TEX36: variants seen among roughly 807,000 people sequenced by gnomAD.
TEX36 encodes the protein testis expressed 36.
In TEX36, 12 loss-of-function variants were observed where a neutral mutation model predicts 13.6. That is an observed-to-expected ratio of 0.88 (90% CI 0.56 to 1.43). TEX36 has a LOEUF of 1.43. Among genes scored for constraint, TEX36 ranks in the 40% most tolerant of loss-of-function variants. The pLI is 0.00. For synonymous variants in TEX36, 93 were observed against 83.0 expected (o/e 1.12, Z -0.65); for missense variants, 224 against 228.3 (o/e 0.98, Z 0.12).
At chr10:125,579,001 G>T (rs1225447968) in intron 3 of TEX36, among the ~76,000 whole-genome samples, 1 of 152,118 alleles carries the variant, frequency 6.6e-6, no homozygotes, top group Non-Finnish European at 1.5e-5. Context: ...CTTGGCACAT[G>T]CTCATGCCTC....
At chr10:125,658,861 A>G (rs1472642288) in intron 3 of TEX36, among the ~76,000 whole-genome samples, 1 of 152,148 alleles carries the variant, frequency 6.6e-6, no homozygotes, top group Non-Finnish European at 1.5e-5. Context: ...TTTGGGATGT[A>G]GTCAAACCAA....
At chr10:125,606,973 C>T (rs188044072) in intron 3 of TEX36, among the ~76,000 whole-genome samples, 33 of 152,296 alleles carry the variant, frequency 2.2e-4, no homozygotes, top group African/African-American at 6.3e-4. Context: ...CAACTGGATG[C>T]GAACTTTGAT....
downstream of TEX36, among the ~76,000 whole-genome samples, chr10:125,651,670 T>TA (rs201619155): frequency 0.034 from 5,166 of 152,198 alleles, 268 homozygotes; most frequent in African/African-American, 0.11. Context: ...GAGAAAGACA[T>TA]AAAGGGTATT....
At chr10:125,663,095 G>C (rs947702667) in intron 1 of TEX36, among the ~76,000 whole-genome samples, 1 of 152,172 alleles carries the variant, frequency 6.6e-6, no homozygotes, top group Non-Finnish European at 1.5e-5. Flanking sequence ...GTCCACCCCA[G>C]GTCTCTCTCC....
At chr10:125,607,787 C>G (rs1846233972) in intron 3 of TEX36, among the ~76,000 whole-genome samples, 1 of 152,008 alleles carries the variant, frequency 6.6e-6, no homozygotes, top group Non-Finnish European at 1.5e-5. Flanking sequence ...ACTGGGTAAG[C>G]AAATGACTGA....
chr10:125,660,697 A>G (rs1847020930), intron 3 of TEX36, among the ~76,000 whole-genome samples: 1 of 152,182 alleles, frequency 6.6e-6, no homozygotes, highest in African/African-American at 2.4e-5. Flanking sequence ...TGCCATCCAG[A>G]GATACGCATA....
At chr10:125,676,967 G>T (rs9422800) in intron 1 of TEX36, among the ~76,000 whole-genome samples, 2,389 of 152,286 alleles carry the variant, frequency 0.016, 65 homozygotes, top group African/African-American at 0.054. Context: ...GGAGAGCTTT[G>T]CTAGAAATAG....
At chr10:125,588,757 G>T (rs1845988667) in intron 3 of TEX36, among the ~76,000 whole-genome samples, 1 of 152,198 alleles carries the variant, frequency 6.6e-6, no homozygotes, top group Non-Finnish European at 1.5e-5. Context: ...TGGGACTATA[G>T]GCGTGTGCCA....
At chr10:125,621,619 G>A (rs1238481143) in exon 4 of TEX36, 1 of 455,996 alleles carries the variant, frequency 2.2e-6, no homozygotes, top group Admixed American at 2.3e-5. Flanking sequence ...ATCACAAAGA[G>A]AAGTCCCACG....
intron 1 of TEX36, chr10:125,667,560 G>A: frequency 1.4e-6 from 1 of 738,740 alleles, no homozygotes; most frequent in Non-Finnish European, 2.5e-6. Flanking sequence ...CACTCAGACA[G>A]CCCATACAAC....
chr10:125,649,969 C>T (rs569073652), intron 3 of TEX36, among the ~76,000 whole-genome samples: 48 of 152,218 alleles, frequency 3.2e-4, no homozygotes, highest in African/African-American at 1.2e-3. Context: ...TATATGCACC[C>T]AATACAGGAG....
chr10:125,631,244 G>T (rs1846550136), intron 3 of TEX36, among the ~76,000 whole-genome samples: 1 of 152,178 alleles, frequency 6.6e-6, no homozygotes, highest in Non-Finnish European at 1.5e-5. Flanking sequence ...AATTATCTGA[G>T]TACATCTCAA....
intron 1 of TEX36, chr10:125,667,444 G>T (rs563741510): frequency 1.7e-5 from 12 of 698,886 alleles, no homozygotes; most frequent in Admixed American, 3.6e-5. Context: ...AGGCCAGGAC[G>T]TTGGTATTTT....
downstream of TEX36, among the ~76,000 whole-genome samples, chr10:125,618,459 G>T (rs1217316588): frequency 6.6e-6 from 1 of 152,138 alleles, no homozygotes; most frequent in East Asian, 1.9e-4. Flanking sequence ...GTTCAGATGG[G>T]TTTTTGGTGT....
intron 3 of TEX36, among the ~76,000 whole-genome samples, chr10:125,594,025 C>T (rs980135211): frequency 2.0e-5 from 3 of 152,178 alleles, no homozygotes; most frequent in African/African-American, 4.8e-5. Flanking sequence ...AGGAGACAGG[C>T]GAGCACGCTG....
chr10:125,613,269 ATTTATTTATTTATTTT>A (rs1180617941), intron 3 of TEX36, among the ~76,000 whole-genome samples: 1 of 72,420 alleles, frequency 1.4e-5, no homozygotes, highest in African/African-American at 5.7e-5. Flanking sequence ...TTATTTATTT[ATTTATTTATTTATTTT>A]TATTATTATT....
chr10:125,674,226 T>C lies in TEX36; in HGVS notation c.51+8713A>G, dbSNP rs11593304. Among the ~76,000 whole-genome samples, 162 of 152,326 alleles carry C rather than the reference T, an allele frequency of 1.1e-3. 2 individuals carry two copies. The highest frequency in any genetic ancestry group is 3.8e-3 in the African/African-American group (160 of 41,584). On this transcript the variant is annotated intron_variant, in intron 1 of 3. Transcript: ENST00000368821. The stretch of plus-strand genomic sequence containing the variant: ...TGGTCTATTTAATTATTGATACTTG[T>C]GGTTGCATTGTGACGTTTTCATGTT...
chr10:125,625,896 C>G (rs908014380), intron 3 of TEX36, among the ~76,000 whole-genome samples: 1 of 152,208 alleles, frequency 6.6e-6, no homozygotes, highest in Non-Finnish European at 1.5e-5. Context: ...CACGCTCCCT[C>G]TGGTCATGGG....
chr10:125,584,904 C>A (rs1845925296), intron 3 of TEX36, among the ~76,000 whole-genome samples: 1 of 152,206 alleles, frequency 6.6e-6, no homozygotes, highest in African/African-American at 2.4e-5. Context: ...TTTTGAACAT[C>A]TGCTGTTTCA....
Sources: gnomAD v4.1 joint callset for allele counts (sites outside exome capture counted in the v4.1 genomes callset) on GRCh38, gnomAD v4.1.1 for gene constraint, MANE v1.5 for transcripts, NCBI Gene and HGNC (gene_info 2026-07-23, HGNC 2026-07-21) for gene names.